CDH8: variants seen among roughly 807,000 people sequenced by gnomAD.
The protein encoded by CDH8 is cadherin 8, also known as cadherin-8.
Under a neutral mutation model 68.1 loss-of-function variants are expected in CDH8, and 17 were observed. That is an observed-to-expected ratio of 0.25 (90% CI 0.17 to 0.37). CDH8 has a LOEUF of 0.37. Among genes scored for constraint, CDH8 ranks in the 10% least tolerant of loss-of-function variants. CDH8 has a pLI of 1.00. For synonymous variants in CDH8, 372 were observed against 365.1 expected (o/e 1.02, Z -0.21); for missense variants, 763 against 999.3 (o/e 0.76, Z 3.19).
chr16:61,991,567 A>G (rs981496690), intron 2 of CDH8, among the ~76,000 whole-genome samples: 1 of 152,220 alleles, frequency 6.6e-6, no homozygotes, highest in Non-Finnish European at 1.5e-5. Context: ...ATACATCGTC[A>G]TCTACTTTAC....
At chr16:61,972,590 G>T (rs1233511124) in intron 2 of CDH8, among the ~76,000 whole-genome samples, 1 of 151,412 alleles carries the variant, frequency 6.6e-6, no homozygotes, top group Non-Finnish European at 1.5e-5. Flanking sequence ...GTGTGTGTGT[G>T]TGTGTGTGTG....
In CDH8 at chr16:61,821,093, G is replaced by A; in HGVS notation, c.856C>T (p.Pro286Ser). ...GCAGTGCCAAGAACCACATCTTCCG[G>A]TACTGAGAAGTGATACAGGCCTTTA... ...FAQSLYHFSV[P>S]EDVVLGTAIG... is the part of the protein sequence containing the mutation. The change falls in exon 6 of 12, where the codon CCG becomes TCG. Residue 286 changes from proline (P) to serine (S), a missense_variant. This residue lies in a region of CDH8 where 366 missense variants were observed against 563.1 expected (regional missense o/e 0.65). Transcript: ENST00000577390. The A allele has an allele frequency of 6.2e-7, 1 of 1,610,934 alleles. No homozygotes were observed. Among genetic ancestry groups the A allele is most frequent in the Non-Finnish European group, 8.5e-7 (1 of 1,178,150 alleles).
chr16:61,794,115 G>T (rs1304833964), intron 7 of CDH8, among the ~76,000 whole-genome samples: 1 of 151,996 alleles, frequency 6.6e-6, no homozygotes, highest in Non-Finnish European at 1.5e-5. Context: ...GAGAATAAAA[G>T]CTTCCATCTC....
chr16:61,782,747 C>T (rs982628770), intron 8 of CDH8, among the ~76,000 whole-genome samples: 1,888 of 152,188 alleles, frequency 0.012, 43 homozygotes, highest in African/African-American at 0.042. Context: ...GATCTGAGAA[C>T]GGGCAGACTG....
At chr16:61,790,173 G>T (rs1456239773) in intron 7 of CDH8, among the ~76,000 whole-genome samples, 3 of 151,868 alleles carry the variant, frequency 2.0e-5, no homozygotes, top group Non-Finnish European at 4.4e-5. Context: ...ATTTCAAAGG[G>T]ACATATTAGT....
chr16:62,025,226 A>G (rs1388766385), intron 1 of CDH8, among the ~76,000 whole-genome samples: 1 of 152,364 alleles, frequency 6.6e-6, no homozygotes, highest in African/African-American at 2.4e-5. Flanking sequence ...TGAATGAATC[A>G]GCATCTAAGG....
intron 10 of CDH8, among the ~76,000 whole-genome samples, chr16:61,684,858 C>T (rs1964078175): frequency 6.6e-6 from 1 of 151,822 alleles, no homozygotes; most frequent in Admixed American, 6.6e-5. Context: ...GATTCAACTC[C>T]CCTTCCTTTA....
chr16:61,908,060 AAAAG>A (rs1964093829), intron 2 of CDH8, among the ~76,000 whole-genome samples: 2 of 152,020 alleles, frequency 1.3e-5, no homozygotes, highest in South Asian at 4.2e-4. Flanking sequence ...AAAAAAAAAA[AAAAG>A]AGTTAACTGA....
chr16:61,703,192 T>C (rs1190671570), intron 10 of CDH8, among the ~76,000 whole-genome samples: 1 of 152,194 alleles, frequency 6.6e-6, no homozygotes, highest in African/African-American at 2.4e-5. Flanking sequence ...AGCTAGATTA[T>C]TCTTTGGGGA....
intron 2 of CDH8, among the ~76,000 whole-genome samples, chr16:61,935,816 A>G (rs1025763580): frequency 6.6e-6 from 1 of 152,154 alleles, no homozygotes; most frequent in Admixed American, 6.6e-5. Context: ...TCATGGGTAC[A>G]TTTTTAGCCT....
chr16:61,836,972 C>A (rs925989393), intron 4 of CDH8, among the ~76,000 whole-genome samples: 6 of 151,988 alleles, frequency 3.9e-5, no homozygotes, highest in Non-Finnish European at 8.8e-5. Context: ...CTCACCACTC[C>A]TTTTGTTCCT....
At chr16:61,913,808 A>G (rs1964196972) in intron 2 of CDH8, among the ~76,000 whole-genome samples, 1 of 152,180 alleles carries the variant, frequency 6.6e-6, no homozygotes, top group Non-Finnish European at 1.5e-5. Context: ...TACATTAATA[A>G]TAATATTAAT....
chr16:61,818,851 C>T (rs1005772809), intron 6 of CDH8, among the ~76,000 whole-genome samples: 8 of 151,320 alleles, frequency 5.3e-5, no homozygotes, highest in Admixed American at 2.6e-4. Flanking sequence ...TTCAGAATTC[C>T]AGTACAAGCT....
chr16:61,662,715 A>T (rs1360490438), intron 10 of CDH8, among the ~76,000 whole-genome samples: 1 of 151,934 alleles, frequency 6.6e-6, no homozygotes, highest in African/African-American at 2.4e-5. Context: ...TGCATTAGGT[A>T]TTATAAGTAA....
intron 2 of CDH8, among the ~76,000 whole-genome samples, chr16:61,917,062 A>AGTGTGTGTGTGT (rs57232370): frequency 7.3e-5 from 10 of 137,290 alleles, no homozygotes; most frequent in South Asian, 2.5e-4. Flanking sequence ...TTTACCTATT[A>AGTGTGTGTGTGT]GTGTGTGTGT....
Position 61,992,325 on chromosome 16 carries a change from G to A in CDH8, c.252+28827C>T, listed in dbSNP as rs8059240. On this transcript the variant is annotated intron_variant, in intron 2 of 11. Transcript: ENST00000577390. ...ATGAAATTGGAAATCATCATTCTCA[G>A]TAAACTGTTGCAAGGACAAAAAACC... Among the ~76,000 whole-genome samples the A allele has an allele frequency of 6.0e-3, 900 of 150,662 alleles. 10 individuals are homozygous for A. Among genetic ancestry groups the A allele is most frequent in the African/African-American group, 0.02 (809 of 41,028 alleles).
chr16:62,028,432 T>G (rs1902247283), intron 1 of CDH8, among the ~76,000 whole-genome samples: 1 of 152,066 alleles, frequency 6.6e-6, no homozygotes, highest in Admixed American at 6.6e-5. Context: ...TTTGTTTTCT[T>G]TAAGTTCTAT....
chr16:61,960,338 CATATATACATGTGTGTGTGTATACACAT>C (rs1965123999), intron 2 of CDH8, among the ~76,000 whole-genome samples: 4 of 78,538 alleles, frequency 5.1e-5, no homozygotes, highest in East Asian at 7.5e-4. Flanking sequence ...TGTATACACA[CATATATACATGTGTGTGTGTATACACAT>C]ACATATATAC....
At chr16:61,884,462 C>T (rs1567513832) in intron 3 of CDH8, among the ~76,000 whole-genome samples, 1 of 151,548 alleles carries the variant, frequency 6.6e-6, no homozygotes, top group South Asian at 2.1e-4. Context: ...CAACCTCTGC[C>T]TCCTGGGTTC....
Sources: gnomAD v4.1 joint callset for allele counts (sites outside exome capture counted in the v4.1 genomes callset) on GRCh38, gnomAD v4.1.1 for gene constraint, gnomAD v4.1.1 regional missense constraint, MANE v1.5 for transcripts, NCBI Gene and HGNC (gene_info 2026-07-23, HGNC 2026-07-21) for gene names.